Variants in NAALADL2 observed in about 807,000 individuals in gnomAD.
NAALADL2 encodes the protein inactive N-acetylated-alpha-linked acidic dipeptidase-like protein 2.
A neutral mutation model predicts 87.2 loss-of-function variants in NAALADL2; 76 were observed. The ratio of observed to expected loss-of-function variants is 0.87; its 90% CI spans 0.72 to 1.05. The LOEUF is 1.05. Ranked by LOEUF, NAALADL2 falls within the 50% of genes least tolerant of loss-of-function variation. The probability of loss-of-function intolerance (pLI) is 0.00; values close to 1 mark genes in which losing one functional copy is unlikely to be tolerated. For synonymous variants in NAALADL2, 354 were observed against 331.0 expected (o/e 1.07, Z -0.75); for missense variants, 1,089 against 945.8 (o/e 1.15, Z -1.99).
At chr3:174,815,056 C>T (rs1333000483) in intron 3 of NAALADL2, among the ~76,000 whole-genome samples, 1 of 152,112 alleles carries the variant, frequency 6.6e-6, no homozygotes, top group Non-Finnish European at 1.5e-5. Context: ...TTCTTTAGCT[C>T]ATGTGCTGGT....
At chr3:175,169,008 C>T (rs889598994) in intron 2 of NAALADL2, among the ~76,000 whole-genome samples, 1 of 151,388 alleles carries the variant, frequency 6.6e-6, no homozygotes, top group Non-Finnish European at 1.5e-5. Context: ...TGTGGATCAT[C>T]CAGATTAATT....
chr3:175,645,717 C>T (rs564391464), intron 11 of NAALADL2, among the ~76,000 whole-genome samples: 4 of 152,142 alleles, frequency 2.6e-5, no homozygotes, highest in African/African-American at 7.2e-5. Context: ...ATAAGTCAGA[C>T]AAGAGGAAGG....
intron 1 of NAALADL2, among the ~76,000 whole-genome samples, chr3:175,086,377 A>C (rs1158842697): frequency 6.6e-6 from 1 of 152,114 alleles, no homozygotes; most frequent in Non-Finnish European, 1.5e-5. Flanking sequence ...AGGGAGGAAA[A>C]CATATATAAA....
chr3:174,849,074 C>T lies in NAALADL2; in HGVS notation c.-9+111328C>T, dbSNP rs1056984563. ...AGAAATGGTACATCTCTGTAGGGCCCTTACCATGAATGGATCTTGCAGAGT... is the reference window on the plus strand; with the variant it reads ...AGAAATGGTACATCTCTGTAGGGCCTTTACCATGAATGGATCTTGCAGAGT... On this transcript the variant is annotated intron_variant, in intron 3 of 3. Coordinates refer to the NAALADL2 transcript ENST00000434257. Among the ~76,000 whole-genome samples, 12 of 152,122 alleles carry T rather than the reference C, an allele frequency of 7.9e-5. No individual in the cohort carries two copies. The South Asian group carries it at 8.3e-4, about 10-fold the overall frequency.
At chr3:174,442,789 A>T (rs999142035) in intron 1 of NAALADL2, among the ~76,000 whole-genome samples, 3 of 152,216 alleles carry the variant, frequency 2.0e-5, no homozygotes, top group Admixed American at 2.0e-4. Flanking sequence ...TATTACATAA[A>T]GCAGGAAAAA....
intron 3 of NAALADL2, among the ~76,000 whole-genome samples, chr3:174,740,238 A>G (rs1014295450): frequency 6.6e-6 from 1 of 151,944 alleles, no homozygotes; most frequent in Admixed American, 6.6e-5. Context: ...CCCATTGTTG[A>G]GCTCACTGAT....
At chr3:175,088,444 G>C (rs547491415) in intron 1 of NAALADL2, among the ~76,000 whole-genome samples, 12 of 152,270 alleles carry the variant, frequency 7.9e-5, no homozygotes, top group African/African-American at 2.9e-4. Context: ...ACAAGTATGA[G>C]AAAAGCTATT....
At chr3:174,672,243 T>C (rs1455797088) in intron 2 of NAALADL2, among the ~76,000 whole-genome samples, 1 of 152,076 alleles carries the variant, frequency 6.6e-6, no homozygotes, top group African/African-American at 2.4e-5. Context: ...ACTTGGAATA[T>C]AGCTATTTAT....
chr3:175,605,423 C>T (rs1327244312), intron 10 of NAALADL2, among the ~76,000 whole-genome samples: 1 of 151,970 alleles, frequency 6.6e-6, no homozygotes, highest in Non-Finnish European at 1.5e-5. Flanking sequence ...TAGGGAAACT[C>T]TTATGGGGAA....
chr3:175,397,380 T>C (rs1769942058), intron 5 of NAALADL2: 1 of 152,164 alleles, frequency 6.6e-6, no homozygotes, highest in African/African-American at 2.4e-5. Context: ...TCTAAATTTT[T>C]TTTTTGAGGT....
chr3:175,008,016 C>T (rs1285060290), intron 1 of NAALADL2, among the ~76,000 whole-genome samples: 1 of 151,954 alleles, frequency 6.6e-6, no homozygotes, highest in Non-Finnish European at 1.5e-5. Flanking sequence ...ATTCATTTCC[C>T]GGGTAGGATT....
chr3:174,932,498 C>G (rs1266392352), intron 1 of NAALADL2, among the ~76,000 whole-genome samples: 1 of 152,076 alleles, frequency 6.6e-6, no homozygotes, highest in Non-Finnish European at 1.5e-5. Flanking sequence ...GTGAATGAAA[C>G]AGCAAGCAGA....
intron 9 of NAALADL2, among the ~76,000 whole-genome samples, chr3:175,478,172 A>G (rs773568782): frequency 3.3e-5 from 5 of 151,774 alleles, no homozygotes; most frequent in Non-Finnish European, 5.9e-5. Context: ...CTGTTTTCTT[A>G]TTTACCATGA....
intron 1 of NAALADL2, among the ~76,000 whole-genome samples, chr3:174,972,229 C>A (rs1210587860): frequency 6.6e-6 from 1 of 152,154 alleles, no homozygotes; most frequent in African/African-American, 2.4e-5. Flanking sequence ...GAAATAGAAT[C>A]TAAGGTTCAA....
At chr3:175,097,338 A>G in intron 2 of NAALADL2, 47 bp downstream of exon 2, 3 of 1,548,418 alleles carry the variant, frequency 1.9e-6, no homozygotes, top group Non-Finnish European at 2.6e-6. Flanking sequence ...TTCTTGGGAA[A>G]AATGTCTCAC....
intron 2 of NAALADL2, among the ~76,000 whole-genome samples, chr3:174,730,551 A>G (rs1732600826): frequency 6.6e-6 from 1 of 152,186 alleles, no homozygotes; most frequent in African/African-American, 2.4e-5. Flanking sequence ...TATGAAATTT[A>G]TGTGTCAAAT....
chr3:175,551,363 G>A (rs966811538), intron 9 of NAALADL2, among the ~76,000 whole-genome samples: 1 of 152,058 alleles, frequency 6.6e-6, no homozygotes, highest in Non-Finnish European at 1.5e-5. Context: ...TAACAAAAAC[G>A]ATAGAAATAC....
intron 9 of NAALADL2, among the ~76,000 whole-genome samples, chr3:175,518,464 G>C (rs1413597885): frequency 2.0e-5 from 3 of 152,160 alleles, no homozygotes; most frequent in Non-Finnish European, 4.4e-5. Flanking sequence ...TACTGTCTTA[G>C]TCCATCTTTT....
intron 3 of NAALADL2, among the ~76,000 whole-genome samples, chr3:174,743,459 A>T (rs1003585324): frequency 6.6e-6 from 1 of 151,806 alleles, no homozygotes; most frequent in Admixed American, 6.6e-5. Flanking sequence ...AATAATGAAA[A>T]AGTCTTCTAA....
Sources: gnomAD v4.1 joint callset for allele counts (sites outside exome capture counted in the v4.1 genomes callset) on GRCh38, gnomAD v4.1.1 for gene constraint, MANE v1.5 for transcripts, NCBI Gene and HGNC (gene_info 2026-07-23, HGNC 2026-07-21) for gene names.